Variants in SPACA7 observed in about 807,000 individuals in gnomAD.
SPACA7 encodes the protein sperm acrosome associated 7, also known as sperm acrosome-associated protein 7.
In SPACA7, 19 loss-of-function variants were observed where a neutral mutation model predicts 26.3. That is an observed-to-expected ratio of 0.72 (90% CI 0.50 to 1.06). The LOEUF (loss-of-function observed/expected upper bound fraction) is 1.06, where lower values mean the gene tolerates loss of function less well. SPACA7 is among the 50% of genes least tolerant of loss of function. The pLI, the probability that SPACA7 is intolerant of heterozygous loss-of-function variation, is 0.00. For missense variants in SPACA7, 211 were observed against 229.9 expected, an observed-to-expected ratio of 0.92 and a Z score of 0.53; for synonymous variants, 84 against 84.5, an observed-to-expected ratio of 0.99 and a Z score of 0.04.
chr13:112,433,616 A>G (rs112697446), intron 6 of SPACA7, among the ~76,000 whole-genome samples: 2,255 of 142,130 alleles, frequency 0.016, 20 homozygotes, highest in African/African-American at 0.045. Flanking sequence ...GTCCCGGGAA[A>G]CGTCGCTGGA....
chr13:112,395,207 A>G (rs539847385), intron 2 of SPACA7, among the ~76,000 whole-genome samples: 2,683 of 152,212 alleles, frequency 0.018, 49 homozygotes, highest in South Asian at 0.045. Flanking sequence ...TGTGCTGGGG[A>G]TGGCTCATCA....
intron 6 of SPACA7, 39 bp downstream of exon 6, chr13:112,432,560 G>T: frequency 6.8e-7 from 1 of 1,473,844 alleles, no homozygotes; most frequent in Admixed American, 1.7e-5. Flanking sequence ...TCTCATTTGG[G>T]GATTCTTTTC....
intron 1 of SPACA7, among the ~76,000 whole-genome samples, chr13:112,379,061 T>C (rs1357659572): frequency 1.3e-5 from 2 of 152,216 alleles, no homozygotes; most frequent in Non-Finnish European, 2.9e-5. Context: ...GAGAGTTCTT[T>C]AAATCTGGAA....
intron 5 of SPACA7, among the ~76,000 whole-genome samples, chr13:112,416,363 T>C (rs1445145262): frequency 6.6e-6 from 1 of 152,058 alleles, no homozygotes; most frequent in Non-Finnish European, 1.5e-5. Flanking sequence ...CTCAGCTTAC[T>C]GCAACCTATA....
intron 1 of SPACA7, among the ~76,000 whole-genome samples, chr13:112,378,997 G>T (rs763026099): frequency 6.6e-6 from 1 of 152,216 alleles, no homozygotes; most frequent in South Asian, 2.1e-4. Flanking sequence ...GTTTATGAAA[G>T]TGTAATTACC....
At chr13:112,409,784 C>A (rs1303572814) in intron 5 of SPACA7, among the ~76,000 whole-genome samples, 1 of 152,168 alleles carries the variant, frequency 6.6e-6, no homozygotes, top group Non-Finnish European at 1.5e-5. Flanking sequence ...TAAACTAGTT[C>A]AACCATTGTG....
chr13:112,386,204 G>A (rs1157765346), intron 1 of SPACA7, among the ~76,000 whole-genome samples: 1 of 152,164 alleles, frequency 6.6e-6, no homozygotes, highest in Non-Finnish European at 1.5e-5. Context: ...AGTGGGGGTG[G>A]GGATGTTTCC....
intron 1 of SPACA7, among the ~76,000 whole-genome samples, chr13:112,385,052 G>A (rs983070074): frequency 2.6e-5 from 4 of 151,904 alleles, no homozygotes; most frequent in African/African-American, 4.8e-5. Context: ...CCTATTATTC[G>A]GACACATGGG....
At chr13:112,387,515 A>G (rs994971428) in intron 1 of SPACA7, among the ~76,000 whole-genome samples, 2 of 152,226 alleles carry the variant, frequency 1.3e-5, no homozygotes, top group East Asian at 3.8e-4. Context: ...TAGTTTCACA[A>G]ATCCTTTCTC....
At chr13:112,398,828 C>A (rs1451257891) in intron 3 of SPACA7, among the ~76,000 whole-genome samples, 1 of 152,180 alleles carries the variant, frequency 6.6e-6, no homozygotes, top group Non-Finnish European at 1.5e-5. Flanking sequence ...ATGTAAATTC[C>A]AGTTCCTAGG....
At chr13:112,388,781 T>G (rs371526970) in intron 1 of SPACA7, among the ~76,000 whole-genome samples, 2 of 152,256 alleles carry the variant, frequency 1.3e-5, no homozygotes, top group Non-Finnish European at 2.9e-5. Context: ...TCCCCAAGCA[T>G]TCGGGAAACA....
chr13:112,421,225 CAAA>C (rs59236283), intron 5 of SPACA7, among the ~76,000 whole-genome samples: 20 of 86,814 alleles, frequency 2.3e-4, no homozygotes, highest in African/African-American at 5.6e-4. Flanking sequence ...AAGAAACATG[CAAA>C]AAAAAAAAAA....
intron 1 of SPACA7, among the ~76,000 whole-genome samples, chr13:112,381,319 A>G (rs1884042664): frequency 6.6e-6 from 1 of 151,988 alleles, no homozygotes; most frequent in South Asian, 2.1e-4. Context: ...GTGAAACCCC[A>G]TCTCTACCAA....
chr13:112,434,428 C>G, intron 6 of SPACA7, 57 bp from the exon 7 acceptor site: 7 of 1,412,556 alleles, frequency 5.0e-6, no homozygotes, highest in South Asian at 1.2e-5. Context: ...CCTGCCAGTG[C>G]CTCCATCTCC....
intron 1 of SPACA7, among the ~76,000 whole-genome samples, chr13:112,383,080 GAAAA>G (rs1491437574): frequency 1.2e-5 from 1 of 83,974 alleles, no homozygotes; most frequent in African/African-American, 4.6e-5. Flanking sequence ...GAGAAAGAAA[GAAAA>G]AGAAAGAAAG....
chr13:112,433,662 C>A (rs72670924), intron 6 of SPACA7, among the ~76,000 whole-genome samples: 6,707 of 150,108 alleles, frequency 0.045, 407 homozygotes, highest in Non-Finnish European at 0.059. Context: ...TCATCGAGCA[C>A]AGGCCAAGAG....
intron 1 of SPACA7, chr13:112,382,160 A>G: frequency 2.8e-6 from 1 of 362,468 alleles, no homozygotes; most frequent in Non-Finnish European, 5.0e-6. Flanking sequence ...GAGTCAGTTA[A>G]GCTGGAGCTC....
chr13:112,410,598 T>C (rs1219701323), intron 5 of SPACA7, among the ~76,000 whole-genome samples: 1 of 152,092 alleles, frequency 6.6e-6, no homozygotes, highest in Non-Finnish European at 1.5e-5. Context: ...TACTGTGTGA[T>C]TCCACTTATA....
intron 1 of SPACA7, among the ~76,000 whole-genome samples, chr13:112,390,542 A>C (rs1884819706): frequency 6.6e-6 from 1 of 152,278 alleles, no homozygotes; most frequent in African/African-American, 2.4e-5. Context: ...TGGGTAATTT[A>C]TGAAGAAAAG....
Sources: allele counts gnomAD v4.1 joint callset (sites outside exome capture counted in the v4.1 genomes callset), GRCh38; gene constraint gnomAD v4.1.1; transcripts MANE v1.5; gene names NCBI Gene and HGNC (gene_info 2026-07-23, HGNC 2026-07-21).